The following ADAMTS19 variants were observed in gnomAD, a reference collection of about 807,000 sequenced individuals.
The protein encoded by ADAMTS19 is A disintegrin and metalloproteinase with thrombospondin motifs 19.
A neutral mutation model predicts 153.3 loss-of-function variants in ADAMTS19; 93 were observed. The observed-to-expected ratio is 0.61, with a 90% CI of 0.51 to 0.72. The LOEUF is 0.72. Among genes scored for constraint, ADAMTS19 ranks in the 30% least tolerant of loss-of-function variants. The probability of loss-of-function intolerance (pLI) is 0.00; values close to 1 mark genes in which losing one functional copy is unlikely to be tolerated. For missense variants in ADAMTS19, 1,482 were observed against 1,552.1 expected, an observed-to-expected ratio of 0.95 and a Z score of 0.76; for synonymous variants, 600 against 556.6, an observed-to-expected ratio of 1.08 and a Z score of -1.10.
At chr5:129,506,782 T>A (rs1428094883) in intron 2 of ADAMTS19, among the ~76,000 whole-genome samples, 1 of 151,960 alleles carries the variant, frequency 6.6e-6, no homozygotes, top group African/African-American at 2.4e-5. Flanking sequence ...AAAATTAAAG[T>A]AACAGCAAAC....
At chr5:129,514,475 G>A (rs1751534461) in intron 3 of ADAMTS19, among the ~76,000 whole-genome samples, 1 of 152,054 alleles carries the variant, frequency 6.6e-6, no homozygotes. Flanking sequence ...TTGAATAAAA[G>A]CCATTTTAAC....
At chr5:129,558,773 A>G (rs1289503135) in intron 7 of ADAMTS19, among the ~76,000 whole-genome samples, 1 of 152,108 alleles carries the variant, frequency 6.6e-6, no homozygotes, top group Non-Finnish European at 1.5e-5. Context: ...ATGAAAATGC[A>G]GTTGCCTGTA....
intron 16 of ADAMTS19, among the ~76,000 whole-genome samples, chr5:129,676,556 A>G (rs1348549500): frequency 6.6e-6 from 1 of 152,030 alleles, no homozygotes; most frequent in African/African-American, 2.4e-5. Flanking sequence ...GCAGTTTTAG[A>G]GATCAAATCA....
intron 6 of ADAMTS19, among the ~76,000 whole-genome samples, chr5:129,546,157 A>ATG (rs1752846253): frequency 6.8e-6 from 1 of 146,998 alleles, no homozygotes; most frequent in Non-Finnish European, 1.5e-5. Context: ...AACACCGCAT[A>ATG]TTCTCACTCA....
chr5:129,509,623 T>C (rs549910954), intron 3 of ADAMTS19, among the ~76,000 whole-genome samples: 1 of 152,138 alleles, frequency 6.6e-6, no homozygotes, highest in East Asian at 1.9e-4. Context: ...GAAAGCATCA[T>C]AGATATCTCT....
intron 13 of ADAMTS19, among the ~76,000 whole-genome samples, chr5:129,651,832 T>A (rs1753329176): frequency 6.6e-6 from 1 of 152,218 alleles, no homozygotes; most frequent in African/African-American, 2.4e-5. Context: ...TTAAATAAAT[T>A]TGAATACATA....
chr5:129,562,161 C>T (rs758994862), intron 7 of ADAMTS19, among the ~76,000 whole-genome samples: 2 of 152,154 alleles, frequency 1.3e-5, no homozygotes, highest in African/African-American at 2.4e-5. Context: ...ACAGCTGGCT[C>T]AGCTCATAAC....
At chr5:129,503,493 C>T (rs1751170550) in intron 2 of ADAMTS19, among the ~76,000 whole-genome samples, 1 of 152,082 alleles carries the variant, frequency 6.6e-6, no homozygotes, top group Admixed American at 6.6e-5. Flanking sequence ...CTATATAATG[C>T]TTTATAATGA....
intron 8 of ADAMTS19, among the ~76,000 whole-genome samples, chr5:129,609,579 T>C (rs928408978): frequency 1.3e-5 from 2 of 152,170 alleles, no homozygotes; most frequent in Non-Finnish European, 2.9e-5. Flanking sequence ...TGTAGACCAC[T>C]AGCACGGCTT....
intron 11 of ADAMTS19, among the ~76,000 whole-genome samples, chr5:129,644,691 TTAAG>T (rs1752977880): frequency 6.6e-6 from 1 of 152,206 alleles, no homozygotes; most frequent in Admixed American, 6.5e-5. Flanking sequence ...TTCAAAGAGA[TTAAG>T]TAGTGGGCAA....
intron 6 of ADAMTS19, among the ~76,000 whole-genome samples, chr5:129,540,319 C>T (rs1413353421): frequency 6.6e-6 from 1 of 152,016 alleles, no homozygotes; most frequent in Non-Finnish European, 1.5e-5. Context: ...TCAAATTGTC[C>T]TGTGCAGTAC....
rs932318705 is a variant in ADAMTS19, at chr5:129,582,837, G to A, written c.1373-13722G>A. ...CTGCCTGCCTCAGCCTCCCAAAAGT[G>A]CTGGGATTACAGGTGTGAGCCACCA... On this transcript the variant is annotated intron_variant, in intron 7 of 22. Coordinates refer to ENST00000274487, the MANE Select transcript of ADAMTS19 (RefSeq NM_133638.6). 5.3e-5 allele frequency among the ~76,000 whole-genome samples: 8 copies of A among 151,876 alleles called. No homozygotes were observed. The East Asian group carries it at 1.6e-3, about 30-fold the overall frequency.
At chr5:129,572,995 G>C (rs1057404807) in intron 7 of ADAMTS19, among the ~76,000 whole-genome samples, 1 of 152,050 alleles carries the variant, frequency 6.6e-6, no homozygotes. Context: ...CATTACAACT[G>C]TGTATTCCAC....
At chr5:129,621,844 A>G (rs1275474766) in intron 9 of ADAMTS19, among the ~76,000 whole-genome samples, 1 of 152,148 alleles carries the variant, frequency 6.6e-6, no homozygotes, top group Admixed American at 6.5e-5. Context: ...TATAGCTGAT[A>G]TCTTATATTC....
chr5:129,714,226 T>A (rs1193442906), intron 21 of ADAMTS19, among the ~76,000 whole-genome samples: 1 of 150,752 alleles, frequency 6.6e-6, no homozygotes. Context: ...GAGACCATCC[T>A]GGCTAACAAG....
chr5:129,684,535 CATTA>C (rs1754985224), intron 18 of ADAMTS19, among the ~76,000 whole-genome samples: 1 of 151,670 alleles, frequency 6.6e-6, no homozygotes, highest in Non-Finnish European at 1.5e-5. Context: ...CATTACATTA[CATTA>C]CATAAGTATT....
At chr5:129,582,899 G>T (rs1749593825) in intron 7 of ADAMTS19, among the ~76,000 whole-genome samples, 1 of 152,014 alleles carries the variant, frequency 6.6e-6, no homozygotes. Flanking sequence ...TGGGCATTTA[G>T]CCCATTTATA....
intron 6 of ADAMTS19, among the ~76,000 whole-genome samples, chr5:129,531,269 G>A (rs542146585): frequency 1.3e-5 from 2 of 152,254 alleles, no homozygotes; most frequent in South Asian, 4.1e-4. Flanking sequence ...TTGACAAGCT[G>A]ACTCCAGTAC....
intron 15 of ADAMTS19, among the ~76,000 whole-genome samples, chr5:129,664,273 C>T (rs1753938921): frequency 6.6e-6 from 1 of 152,098 alleles, no homozygotes; most frequent in South Asian, 2.1e-4. Context: ...GTAGTTATGC[C>T]TGTCTTTCCA....
Sources: allele counts gnomAD v4.1 joint callset (sites outside exome capture counted in the v4.1 genomes callset), GRCh38; gene constraint gnomAD v4.1.1; transcripts MANE v1.5; gene names NCBI Gene and HGNC (gene_info 2026-07-23, HGNC 2026-07-21).